The following RASGEF1A variants were observed in gnomAD, a reference collection of about 807,000 sequenced individuals.
The protein encoded by RASGEF1A is RasGEF domain family member 1A, also known as ras-GEF domain-containing family member 1A.
Under a neutral mutation model 56.4 loss-of-function variants are expected in RASGEF1A, and 18 were observed. That is an observed-to-expected ratio of 0.32 (90% CI 0.22 to 0.47). RASGEF1A has a LOEUF of 0.47. Ranked by LOEUF, RASGEF1A falls within the 20% of genes least tolerant of loss-of-function variation. The pLI is 1.00. For synonymous variants in RASGEF1A, 245 were observed against 242.6 expected (o/e 1.01, Z -0.09); for missense variants, 422 against 627.1 (o/e 0.67, Z 3.49).
chr10:43,254,375 C>T (rs1181245463), intron 1 of RASGEF1A, among the ~76,000 whole-genome samples: 1 of 152,202 alleles, frequency 6.6e-6, no homozygotes, highest in African/African-American at 2.4e-5. Context: ...GGGGCACTGG[C>T]CCTCCTGCTG....
intron 1 of RASGEF1A, among the ~76,000 whole-genome samples, chr10:43,246,667 G>A (rs961088584): frequency 1.8e-4 from 28 of 152,108 alleles, no homozygotes; most frequent in African/African-American, 6.0e-4. Flanking sequence ...TAATCTAATG[G>A]GGAAAGAATA....
At chr10:43,262,630 G>A (rs2133232970) in intron 1 of RASGEF1A, among the ~76,000 whole-genome samples, 1 of 152,360 alleles carries the variant, frequency 6.6e-6, no homozygotes, top group Admixed American at 6.5e-5. Flanking sequence ...AACAGGCCTG[G>A]TGCAGACTAG....
rs754942717 is a variant in RASGEF1A, at chr10:43,206,039, C to G, written c.78G>C (p.Glu26Asp). 2 of 1,610,062 alleles carry G rather than the reference C, an allele frequency of 1.2e-6. No homozygotes were observed. The highest frequency in any genetic ancestry group is 1.3e-5 in the African/African-American group (1 of 75,028). Residue 26 changes from glutamate to aspartate, a missense_variant, in exon 2 of 13, where the codon GAG (glutamate) becomes GAC (aspartate). Physicochemically the swap from Glu to Asp is conservative, Grantham distance 45. Around this residue, in one of 2 missense-constraint regions of RASGEF1A, gnomAD observed 273 missense variants for 339.9 expected, o/e 0.80. Coordinates refer to ENST00000395810, the MANE Select transcript of RASGEF1A (RefSeq NM_145313.4). ...AGCCGCCACCGGCCCCGCCTCCACGCTCCCCCATGCCAGGCTGCACCTGTC... is the reference window on the plus strand; with the variant it reads ...AGCCGCCACCGGCCCCGCCTCCACGGTCCCCCATGCCAGGCTGCACCTGTC... ...CSGQVQPGMG[E>D]RGGGAGGGSG...
At chr10:43,266,502 C>G (rs1469780081) in intron 1 of RASGEF1A, among the ~76,000 whole-genome samples, 1 of 151,394 alleles carries the variant, frequency 6.6e-6, no homozygotes, top group Non-Finnish European at 1.5e-5. Context: ...GCGAACCTGC[C>G]CGCAGTGCCC....
intron 1 of RASGEF1A, among the ~76,000 whole-genome samples, chr10:43,261,592 C>A (rs1385119375): frequency 2.0e-5 from 3 of 152,192 alleles, no homozygotes; most frequent in Non-Finnish European, 4.4e-5. Context: ...ATCAGGGCAC[C>A]CCCAGAACTC....
chr10:43,249,603 G>A (rs1259157700), intron 1 of RASGEF1A, among the ~76,000 whole-genome samples: 2 of 152,214 alleles, frequency 1.3e-5, no homozygotes, highest in Non-Finnish European at 2.9e-5. Flanking sequence ...TGACATCACT[G>A]CCAAGATGGG....
intron 1 of RASGEF1A, among the ~76,000 whole-genome samples, chr10:43,210,662 C>T (rs1840053188): frequency 6.6e-6 from 1 of 152,244 alleles, no homozygotes; most frequent in Non-Finnish European, 1.5e-5. Flanking sequence ...TCTCTCCTGC[C>T]TCAGCTGCTC....
intron 5 of RASGEF1A, 25 bp downstream of exon 5, chr10:43,200,642 A>T: frequency 2.5e-6 from 4 of 1,590,570 alleles, no homozygotes; most frequent in Non-Finnish European, 3.4e-6. Context: ...CCCCACCCCC[A>T]GTCAGGGCAT....
chr10:43,262,055 A>C (rs1310974596), intron 1 of RASGEF1A, among the ~76,000 whole-genome samples: 1 of 152,058 alleles, frequency 6.6e-6, no homozygotes, highest in Non-Finnish European at 1.5e-5. Context: ...ACACACCCGG[A>C]TGCACTCAAG....
intron 1 of RASGEF1A, among the ~76,000 whole-genome samples, chr10:43,250,135 G>A (rs575340457): frequency 2.0e-5 from 3 of 152,330 alleles, no homozygotes; most frequent in African/African-American, 2.4e-5. Flanking sequence ...CTGAAGGACC[G>A]GTGCAGCTCC....
chr10:43,215,091 C>T (rs1266271513), intron 1 of RASGEF1A, among the ~76,000 whole-genome samples: 3 of 152,190 alleles, frequency 2.0e-5, no homozygotes, highest in East Asian at 1.9e-4. Context: ...CACATTCCCA[C>T]GACCTGCAGA....
intron 1 of RASGEF1A, among the ~76,000 whole-genome samples, chr10:43,257,194 C>G (rs898423128): frequency 6.6e-6 from 1 of 152,228 alleles, no homozygotes; most frequent in Admixed American, 6.5e-5. Context: ...GAGGTCACAG[C>G]AAGAGGGAGG....
intron 4 of RASGEF1A, 118 bp downstream of exon 4, chr10:43,201,690 C>T (rs554872117): frequency 2.6e-6 from 3 of 1,151,184 alleles, no homozygotes; most frequent in African/African-American, 3.1e-5. Flanking sequence ...AGCAACCCTC[C>T]TGGGGGAGTA....
At chr10:43,263,433 A>G (rs574664885) in intron 1 of RASGEF1A, among the ~76,000 whole-genome samples, 2 of 152,262 alleles carry the variant, frequency 1.3e-5, no homozygotes, top group Middle Eastern at 6.8e-3. Flanking sequence ...CGGCTGAGCA[A>G]GTTTCGTTGT....
At chr10:43,231,566 C>A (rs1024568814) in intron 1 of RASGEF1A, among the ~76,000 whole-genome samples, 1 of 152,258 alleles carries the variant, frequency 6.6e-6, no homozygotes, top group South Asian at 2.1e-4. Flanking sequence ...TCCTATCACG[C>A]TCATCCCAGA....
chr10:43,247,267 T>A (rs144510928), intron 1 of RASGEF1A, among the ~76,000 whole-genome samples: 153 of 152,336 alleles, frequency 1.0e-3, no homozygotes, highest in African/African-American at 3.5e-3. Context: ...ATAACAAGTG[T>A]TACTGAGGAT....
rs369948078 is a variant in RASGEF1A at position 43,231,748 on chromosome 10, G to C, written c.-6-25626C>G. Among the ~76,000 whole-genome samples, 8 of 152,382 alleles carry C rather than the reference G, an allele frequency of 5.2e-5. No individual in the cohort carries two copies. In the South Asian group the frequency reaches 1.2e-3, roughly 24 times the overall value. On this transcript the variant is annotated intron_variant, in intron 1 of 12. Transcript: ENST00000395810. The stretch of plus-strand genomic sequence containing the variant: ...CATCCTTCCTGGTGCCTGAGGATGC[G>C]AGGAGGCTGCTATGCTGGGGCTGAG...
chr10:43,235,768 C>A (rs1395042099), intron 1 of RASGEF1A, among the ~76,000 whole-genome samples: 3 of 152,142 alleles, frequency 2.0e-5, no homozygotes, highest in African/African-American at 7.2e-5. Flanking sequence ...ATCCAGGGAT[C>A]GGGGGGACAC....
chr10:43,217,251 AGAG>A (rs1343268233), intron 1 of RASGEF1A, among the ~76,000 whole-genome samples: 2 of 152,282 alleles, frequency 1.3e-5, no homozygotes, highest in East Asian at 3.9e-4. Flanking sequence ...TATGGAGCTG[AGAG>A]GAGGAGTGCC....
Sources: gnomAD v4.1 joint callset for allele counts (sites outside exome capture counted in the v4.1 genomes callset) on GRCh38, gnomAD v4.1.1 for gene constraint, gnomAD v4.1.1 regional missense constraint, MANE v1.5 for transcripts, NCBI Gene and HGNC (gene_info 2026-07-23, HGNC 2026-07-21) for gene names.